Variants in PPP6R1 observed in about 807,000 individuals in gnomAD.
PPP6R1 encodes the protein protein phosphatase 6 regulatory subunit 1.
Under a neutral mutation model 104.6 loss-of-function variants are expected in PPP6R1, and 39 were observed. The ratio of observed to expected loss-of-function variants is 0.37; its 90% CI spans 0.29 to 0.49. The LOEUF (loss-of-function observed/expected upper bound fraction) is 0.49, where lower values mean the gene tolerates loss of function less well. Ranked by LOEUF, PPP6R1 falls within the 20% of genes least tolerant of loss-of-function variation. The pLI is 0.98. For missense variants in PPP6R1, 1,181 were observed against 1,155.8 expected (o/e 1.02, Z -0.32); for synonymous variants, 549 against 479.0 (o/e 1.15, Z -1.91).
intron 1 of PPP6R1, among the ~76,000 whole-genome samples, chr19:55,257,603 C>T (rs1489519386): frequency 6.6e-6 from 1 of 152,186 alleles, no homozygotes; most frequent in Non-Finnish European, 1.5e-5. Flanking sequence ...TCCCACTCTC[C>T]ATCTGTCACC....
intron 7 of PPP6R1, 106 bp downstream of exon 7, chr19:55,242,060 G>T: frequency 9.4e-7 from 1 of 1,059,464 alleles, no homozygotes; most frequent in Non-Finnish European, 1.4e-6. Flanking sequence ...AGAGCAAGGT[G>T]CCACGGGCGG....
chr19:55,245,745 C>T lies in PPP6R1; in HGVS notation c.228-67G>A, dbSNP rs372501379. 24 of 1,317,868 alleles carry T rather than the reference C, an allele frequency of 1.8e-5. 1 individual carries two copies. The African/African-American group carries it at 3.2e-4, about 17-fold the overall frequency. 81.6% of individuals were successfully genotyped at this position (1,317,868 alleles called of 1,614,324 possible). On this transcript the variant is annotated intron_variant, in intron 2 of 23. Transcript: ENST00000412770. This position sits in a 1 kb window ranked among gnomAD's most constrained non-coding sequence, Gnocchi z 6.4. The stretch of plus-strand genomic sequence containing the variant: ...CCGGGGGCAGGGGGCGGCAAGGCTC[C>T]ACCCTCTTCTCTGCACCGGGCACTG...
intron 5 of PPP6R1, among the ~76,000 whole-genome samples, chr19:55,243,764 C>A (rs577237610): frequency 6.6e-6 from 1 of 152,110 alleles, no homozygotes; most frequent in Non-Finnish European, 1.5e-5. Context: ...GAGATCCTCC[C>A]GTCTCAGACT....
At chr19:55,235,256 C>A (rs931963218) in intron 17 of PPP6R1, among the ~76,000 whole-genome samples, 1 of 151,842 alleles carries the variant, frequency 6.6e-6, no homozygotes, top group African/African-American at 2.4e-5. Flanking sequence ...GTCATCACAG[C>A]CTGATTGGAG....
Position 55,245,150 on chromosome 19 carries a change from A to G in PPP6R1, c.588T>C (p.Ile196=). ...CATCCTTCGACGGGTGGATCTGCTC[A>G]ATCAGCCGCTGGACGATCTTCTCCT... The part of the protein sequence containing the change: ...LNEEKIVQRL[I]EQIHPSKDEN... The change falls in exon 5 of 24, where the codon ATT becomes ATC. Residue 196 remains isoleucine (I), a synonymous_variant. Coordinates refer to ENST00000412770, the MANE Select transcript of PPP6R1 (RefSeq NM_014931.4). This position sits in a 1 kb window ranked among gnomAD's most constrained non-coding sequence, Gnocchi z 6.4. 2 of 1,613,514 alleles carry G rather than the reference A, an allele frequency of 1.2e-6. No individual in the cohort carries two copies. Among genetic ancestry groups the G allele is most frequent in the South Asian group, 1.1e-5 (1 of 90,942 alleles).
rs1220901772 is a variant in PPP6R1, at chr19:55,242,379, T to C, written c.728A>G (p.Glu243Gly). The C allele has an allele frequency of 1.2e-6, 2 of 1,613,224 alleles. No individual in the cohort carries two copies. Among genetic ancestry groups the C allele is most frequent in the Non-Finnish European group, 1.7e-6 (2 of 1,179,302 alleles). ...TTAGCCTTGCCCGCACACCCACTTCTCCAGGGTGGCCAGCAGTTGGTCAGG... is the reference window on the plus strand; with the variant it reads ...TTAGCCTTGCCCGCACACCCACTTCCCCAGGGTGGCCAGCAGTTGGTCAGG... ...PEPDQLLATL[E>G]KQETIEQLLS... The change falls in exon 6 of 24, where the codon GAG becomes GGG. Residue 243 changes from glutamate to glycine, a missense_variant. Physicochemically the swap from Glu to Gly is moderately conservative, Grantham distance 98. Coordinates refer to ENST00000412770, the MANE Select transcript of PPP6R1 (RefSeq NM_014931.4).
At chr19:55,250,006 C>A (rs1384442385) in intron 1 of PPP6R1, among the ~76,000 whole-genome samples, 3 of 152,222 alleles carry the variant, frequency 2.0e-5, no homozygotes, top group Non-Finnish European at 2.9e-5. Flanking sequence ...GGCCGTGCCC[C>A]ATGCCACCTC....
At chr19:55,228,673 A>G, downstream of PPP6R1, 1 of 1,607,754 alleles carries the variant, frequency 6.2e-7, no homozygotes, top group Non-Finnish European at 8.5e-7. Flanking sequence ...CCCCAGGCAC[A>G]GCTCAGAAGG....
At chr19:55,250,551 C>G (rs570594988) in intron 1 of PPP6R1, among the ~76,000 whole-genome samples, 1 of 152,190 alleles carries the variant, frequency 6.6e-6, no homozygotes, top group Non-Finnish European at 1.5e-5. Context: ...CTGAAGGGAC[C>G]TGTCTGGATG....
At chr19:55,228,340 GCAGCGAACCAGGA>G (rs538101687), downstream of PPP6R1, 43 of 1,613,912 alleles carry the variant, frequency 2.7e-5, no homozygotes, top group African/African-American at 5.1e-4. Context: ...CTTGACCAGG[GCAGCGAACCAGGA>G]CAGCTGGTCC....
intron 6 of PPP6R1, 32 bp downstream of exon 6, chr19:55,242,344 C>A (rs761577913): frequency 5.6e-6 from 9 of 1,610,730 alleles, no homozygotes; most frequent in Non-Finnish European, 7.6e-6. Context: ...CAAGTCAGCT[C>A]CCCCCAGCCT....
chr19:55,240,383 C>T (rs1188794616), intron 10 of PPP6R1, 83 bp from the exon 11 acceptor site: 25 of 1,357,826 alleles, frequency 1.8e-5, no homozygotes, highest in Non-Finnish European at 2.0e-5. Flanking sequence ...GGGTCCCTTC[C>T]TCAGCAGATG....
Position 55,241,246 on chromosome 19 carries a change from G to C in PPP6R1, c.1154C>G (p.Thr385Ser), listed in dbSNP as rs769033437. ...HELLALDVPN[T>S]MLDLFFHYVF... ...CCGGTCCAGTCCCCGCACCAGCATG[G>C]TGTTGGGCACGTCCAGTGCCAGGAG... Residue 385 changes from threonine (T) to serine (S), a missense_variant, in exon 9 of 24, where the codon ACC becomes AGC. Around this residue, in one of 2 missense-constraint regions of PPP6R1, gnomAD observed 1,042 missense variants for 955.6 expected, o/e 1.09. Transcript: ENST00000412770. The surrounding 1 kb of genome is among the most constrained non-coding windows in gnomAD (Gnocchi z 5.4). The C allele has an allele frequency of 1.9e-6, 3 of 1,597,916 alleles. No individual in the cohort carries two copies. The highest frequency in any genetic ancestry group is 4.5e-5 in the East Asian group (2 of 44,424).
Position 55,236,790 on chromosome 19 carries a change from T to C in PPP6R1, c.1841A>G (p.Lys614Arg). Residue 614 changes from lysine to arginine, a missense_variant, in exon 17 of 24, where the codon AAG becomes AGG. By Grantham distance (26) the Lys-to-Arg change is conservative (BLOSUM62 2). Coordinates refer to ENST00000412770, the MANE Select transcript of PPP6R1 (RefSeq NM_014931.4). ...PNANLLEICY[K>R]DRIQQFDDDE... ...ATCATCAAACTGCTGGATGCGGTCC[T>C]TGTAGCATATCTCAAGTAGGTTGGC... 1.2e-6 allele frequency: 2 copies of C among 1,613,962 alleles called. No homozygotes were observed. The highest frequency in any genetic ancestry group is 1.7e-6 in the Non-Finnish European group (2 of 1,179,846).
At chr19:55,246,644 T>G (rs2122679542) in intron 2 of PPP6R1, among the ~76,000 whole-genome samples, 1 of 152,314 alleles carries the variant, frequency 6.6e-6, no homozygotes, top group South Asian at 2.1e-4. Context: ...CCCGTGAATT[T>G]GTGGCTGCCG....
At chr19:55,232,305 C>CG in intron 17 of PPP6R1, 94 bp from the exon 18 acceptor site, 1 of 1,445,412 alleles carries the variant, frequency 6.9e-7, no homozygotes, top group South Asian at 1.4e-5. Flanking sequence ...CCAAGGAGAG[C>CG]GGGCTGGGAT....
chr19:55,228,721 C>A, downstream of PPP6R1: 2 of 1,613,270 alleles, frequency 1.2e-6, no homozygotes, highest in Non-Finnish European at 1.7e-6. Context: ...TCAGGGTCTG[C>A]CCCGCTTTGC....
Position 55,239,820 on chromosome 19 carries a change from C to A in PPP6R1, c.1563+6G>T. On this transcript the variant is annotated splice_donor_region_variant and intron_variant, in intron 13 of 23. Coordinates refer to ENST00000412770, the MANE Select transcript of PPP6R1 (RefSeq NM_014931.4). ...GAGGAGTGCAGGAAGAGAAGCTGGG[C>A]CTCACCAGGTCCACCATGTTCTTCT... is the stretch of plus-strand genomic sequence containing the variant. 6.2e-7 allele frequency: 1 copy of A among 1,613,544 alleles called. No individual in the cohort carries two copies. The highest frequency in any genetic ancestry group is 8.5e-7 in the Non-Finnish European group (1 of 1,179,610).
chr19:55,252,685 T>C (rs140307628), intron 1 of PPP6R1, among the ~76,000 whole-genome samples: 8,009 of 151,788 alleles, frequency 0.053, 614 homozygotes, highest in African/African-American at 0.17. Flanking sequence ...CAGGCATGAA[T>C]CACCACGCCC....
Sources: gnomAD v4.1 joint callset for allele counts (sites outside exome capture counted in the v4.1 genomes callset) on GRCh38, gnomAD v4.1.1 for gene constraint, gnomAD v4.1.1 regional missense constraint, Gnocchi (gnomAD v3.1) non-coding constraint, MANE v1.5 for transcripts, NCBI Gene and HGNC (gene_info 2026-07-23, HGNC 2026-07-21) for gene names.